ZNF469: variants seen among roughly 807,000 people sequenced by gnomAD.
The protein encoded by ZNF469 is zinc finger protein 469.
In ZNF469, 1 loss-of-function variant was observed where a neutral mutation model predicts 1.0. That is an observed-to-expected ratio of 1.00 (90% CI 0.35 to 4.73). The LOEUF is 4.73. ZNF469 is among the 30% of genes most tolerant of loss of function. ZNF469 has a pLI of 0.16. For synonymous variants in ZNF469, 2,703 were observed against 2,363.4 expected (o/e 1.14, Z -4.17); for missense variants, 6,100 against 5,356.3 (o/e 1.14, Z -4.33).
At chr16:88,226,607 C>T in the ZNF469 span, among the ~76,000 whole-genome samples, 28 of 152,198 alleles carry the variant, frequency 1.8e-4, no homozygotes, top group African/African-American at 6.5e-4. Context: ...GAGACCAGTG[C>T]GGCCCTCCTT....
chr16:88,417,587 G>A (rs1018644171), intron 1 of ZNF469, among the ~76,000 whole-genome samples: 13 of 152,184 alleles, frequency 8.5e-5, no homozygotes, highest in African/African-American at 1.9e-4. Context: ...AACGTTTCTC[G>A]CTCCCCGCAC....
At chr16:88,316,894 G>A in the ZNF469 span, among the ~76,000 whole-genome samples, 20 of 152,092 alleles carry the variant, frequency 1.3e-4, no homozygotes, top group East Asian at 1.5e-3. Context: ...GGAACCTATC[G>A]AAGCTGGGGT....
In ZNF469 at chr16:88,431,182, A is replaced by G. The variant is rs1184265245; in HGVS notation, c.3712A>G (p.Ser1238Gly). The change falls in exon 3 of 3, where the codon AGC becomes GGC. Residue 1238 changes from serine to glycine, a missense_variant. By Grantham distance (56) the Ser-to-Gly change is moderately conservative. Transcript: ENST00000565624. The stretch of plus-strand genomic sequence containing the variant: ...AACTGCCGAAGAGTCAGCCCCGGAC[A>G]GCACAGAATTCACAGAGGCTTTGCG... The part of the protein sequence containing the change: ...PETAEESAPD[S>G]TEFTEALRSP... 6.5e-7 allele frequency: 1 copy of G among 1,550,338 alleles called. No individual in the cohort carries two copies. Among genetic ancestry groups the G allele is most frequent in the Non-Finnish European group, 8.7e-7 (1 of 1,146,968 alleles).
At chr16:88,118,469 A>C in the ZNF469 span, among the ~76,000 whole-genome samples, 1 of 152,184 alleles carries the variant, frequency 6.6e-6, no homozygotes, top group African/African-American at 2.4e-5. Context: ...GTGGGCCCAG[A>C]GAACCGTGGG....
chr16:88,239,286 T>C, the ZNF469 span, among the ~76,000 whole-genome samples: 8 of 152,250 alleles, frequency 5.3e-5, no homozygotes, highest in East Asian at 3.9e-4. Flanking sequence ...AATTGAAAAG[T>C]AGTTGTTTTA....
upstream of ZNF469, among the ~76,000 whole-genome samples, chr16:88,380,781 C>G (rs1207506102): frequency 7.1e-6 from 1 of 141,648 alleles, no homozygotes; most frequent in South Asian, 2.3e-4. Context: ...CACACATGCA[C>G]TCACACACAT....
the ZNF469 span, among the ~76,000 whole-genome samples, chr16:88,182,988 A>G: frequency 6.6e-6 from 1 of 152,248 alleles, no homozygotes; most frequent in Admixed American, 6.5e-5. Context: ...TACAAAACAC[A>G]TTTCTGACAG....
At chr16:88,252,865 C>G in the ZNF469 span, among the ~76,000 whole-genome samples, 1 of 152,230 alleles carries the variant, frequency 6.6e-6, no homozygotes, top group East Asian at 1.9e-4. Flanking sequence ...CAGTCAGTTC[C>G]ACCAACATCT....
chr16:88,231,656 T>C, the ZNF469 span, among the ~76,000 whole-genome samples: 1 of 152,106 alleles, frequency 6.6e-6, no homozygotes, highest in Non-Finnish European at 1.5e-5. This position sits in a 1 kb window ranked among gnomAD's most constrained non-coding sequence, Gnocchi z 4.5. Flanking sequence ...GCAGCCTCTT[T>C]CCATTTCTCT....
chr16:88,286,357 A>G, the ZNF469 span, among the ~76,000 whole-genome samples: 2 of 152,148 alleles, frequency 1.3e-5, no homozygotes, highest in African/African-American at 4.8e-5. Context: ...CTGCCGTTAT[A>G]CTCAGGTGGC....
At chr16:88,353,662 T>C in the ZNF469 span, among the ~76,000 whole-genome samples, 1 of 152,180 alleles carries the variant, frequency 6.6e-6, no homozygotes, top group South Asian at 2.1e-4. Context: ...AACAACTCAG[T>C]CCACACGAAT....
chr16:88,160,357 C>T, the ZNF469 span, among the ~76,000 whole-genome samples: 2 of 152,282 alleles, frequency 1.3e-5, no homozygotes, highest in South Asian at 2.1e-4. Context: ...CAAGAGATGC[C>T]GGTTTCCTTG....
the ZNF469 span, among the ~76,000 whole-genome samples, chr16:88,133,956 A>ATGG: frequency 2.0e-5 from 3 of 150,626 alleles, no homozygotes; most frequent in Non-Finnish European, 2.9e-5. Context: ...TTAGCTGAGC[A>ATGG]TGGTGGTGGG....
intron 1 of ZNF469, among the ~76,000 whole-genome samples, chr16:88,400,132 G>A (rs1268263019): frequency 6.6e-6 from 1 of 152,230 alleles, no homozygotes; most frequent in Admixed American, 6.5e-5. Flanking sequence ...TGCCATCACT[G>A]GGGAGGCGCA....
the ZNF469 span, among the ~76,000 whole-genome samples, chr16:88,352,748 C>G: frequency 6.6e-6 from 1 of 152,224 alleles, no homozygotes; most frequent in South Asian, 2.1e-4. Flanking sequence ...TCTTCTCTCC[C>G]CTCTTCTCCC....
At chr16:88,191,705 C>G in the ZNF469 span, 1 of 152,250 alleles carries the variant, frequency 6.6e-6, no homozygotes, top group Non-Finnish European at 1.5e-5. Context: ...TTCACTTCTT[C>G]ATTCCCTGAA....
At chr16:88,213,285 G>C in the ZNF469 span, among the ~76,000 whole-genome samples, 1 of 152,090 alleles carries the variant, frequency 6.6e-6, no homozygotes, top group Non-Finnish European at 1.5e-5. Flanking sequence ...ATTTTTAGTA[G>C]AGACAGAGTT....
At chr16:88,180,175 T>A in the ZNF469 span, among the ~76,000 whole-genome samples, 2 of 152,094 alleles carry the variant, frequency 1.3e-5, no homozygotes, top group South Asian at 4.1e-4. Flanking sequence ...AAAAATTATT[T>A]AAAAAGAACA....
the ZNF469 span, among the ~76,000 whole-genome samples, chr16:88,232,209 C>G: frequency 6.6e-6 from 1 of 152,220 alleles, no homozygotes; most frequent in Non-Finnish European, 1.5e-5. Flanking sequence ...CACGCTGAGT[C>G]CTGCCACTTC....
Sources: gnomAD v4.1 joint callset for allele counts (sites outside exome capture counted in the v4.1 genomes callset) on GRCh38, gnomAD v4.1.1 for gene constraint, Gnocchi (gnomAD v3.1) non-coding constraint, MANE v1.5 for transcripts, NCBI Gene and HGNC (gene_info 2026-07-23, HGNC 2026-07-21) for gene names.